The following DLK1 variants were observed in gnomAD, a reference collection of about 807,000 sequenced individuals.
The protein encoded by DLK1 is delta like non-canonical Notch ligand 1.
Under a neutral mutation model 35.2 loss-of-function variants are expected in DLK1, and 9 were observed. That is an observed-to-expected ratio of 0.26 (90% CI 0.15 to 0.45). The LOEUF (loss-of-function observed/expected upper bound fraction) is 0.45, where lower values mean the gene tolerates loss of function less well. Ranked by LOEUF, DLK1 falls within the 20% of genes least tolerant of loss-of-function variation. The pLI is 1.00. For synonymous variants in DLK1, 231 were observed against 228.4 expected (o/e 1.01, Z -0.10); for missense variants, 522 against 528.5 (o/e 0.99, Z 0.12).
rs1035840695 is a variant in DLK1, at chr14:100,735,856, C to G, written c.*960C>G. 1.3e-5 allele frequency: 2 copies of G among 152,142 alleles called. No individual in the cohort carries two copies. Among genetic ancestry groups the G allele is most frequent in the Admixed American group, 1.3e-4 (2 of 15,274 alleles). The allele number at this position is 152,142 out of a possible 1,614,324, so 9.4% of individuals were successfully genotyped here. A position where few individuals can be genotyped will look rare whatever the true frequency, so the allele number is the denominator to read the frequency against. On this transcript the variant is annotated 3_prime_UTR_variant, in exon 5 of 5. Coordinates refer to ENST00000341267, the MANE Select transcript of DLK1 (RefSeq NM_003836.7). ...CATCTGGAGTTGCCACTTAGGCAGC[C>G]AGCCCTCCCCCACCCCTCTTTGCCC...
At chr14:100,733,010 G>A (rs145039661) in intron 4 of DLK1, among the ~76,000 whole-genome samples, 1 of 152,300 alleles carries the variant, frequency 6.6e-6, no homozygotes, top group East Asian at 1.9e-4. Flanking sequence ...TATCTTGACC[G>A]GACATCGCAG....
Position 100,736,040 on chromosome 14 carries a change from C to T in DLK1, c.*1144C>T, listed in dbSNP as rs906210393. On this transcript the variant is annotated 3_prime_UTR_variant, in exon 5 of 5. Coordinates refer to ENST00000341267, the MANE Select transcript of DLK1 (RefSeq NM_003836.7). Reference sequence around the variant, plus strand: ...TTAGTGGAAATTGTCACTTGTGGGGCGCTTACTAGTTTTGTGGCAAATGTG... The same window carrying T: ...TTAGTGGAAATTGTCACTTGTGGGGTGCTTACTAGTTTTGTGGCAAATGTG... The T allele has an allele frequency of 3.3e-5, 5 of 152,152 alleles. No homozygotes were observed. The highest frequency in any genetic ancestry group is 2.1e-4 in the South Asian group (1 of 4,822). 9.4% of individuals were successfully genotyped at this position (152,152 alleles called of 1,614,324 possible).
chr14:100,733,644 G>T (rs1401325619), intron 4 of DLK1, among the ~76,000 whole-genome samples: 1 of 152,180 alleles, frequency 6.6e-6, no homozygotes, highest in East Asian at 1.9e-4. Flanking sequence ...AGCGGGTCCC[G>T]GGATAGAGTG....
intron 3 of DLK1, 185 bp downstream of exon 3, chr14:100,729,251 G>A (rs745586198): frequency 9.5e-5 from 101 of 1,066,120 alleles, no homozygotes; most frequent in South Asian, 1.2e-4. Context: ...CTCAGAGGTA[G>A]GGACTTTATT....
chr14:100,735,040 G>T lies in DLK1; in HGVS notation c.*144G>T, dbSNP rs2036556907. 1 of 1,134,832 alleles carries T rather than the reference G, an allele frequency of 8.8e-7. No homozygotes were observed. The highest frequency in any genetic ancestry group is 2.0e-5 in the South Asian group (1 of 49,120). 70.3% of individuals were successfully genotyped at this position (1,134,832 alleles called of 1,614,324 possible). A position where few individuals can be genotyped will look rare whatever the true frequency, so the allele number is the denominator to read the frequency against. On this transcript the variant is annotated 3_prime_UTR_variant, in exon 5 of 5. Transcript: ENST00000341267. ...TTACATATATTGTCTTTGTGCTGCTGTGTGACAAACGCAATGCAAAAACAA... is the reference window on the plus strand; with the variant it reads ...TTACATATATTGTCTTTGTGCTGCTTTGTGACAAACGCAATGCAAAAACAA...
In DLK1 at chr14:100,734,006, C is replaced by T; in HGVS notation, c.405-143C>T. On this transcript the variant is annotated intron_variant, in intron 4 of 4. Transcript: ENST00000341267. The surrounding 1 kb of genome is among the most constrained non-coding windows in gnomAD (Gnocchi z 7.4). ...TGTGCCTCCCTGGCTGGCGTTCCCTCCCTCGCTCCCTCATTCACCTGATGT... is the reference window on the plus strand; with the variant it reads ...TGTGCCTCCCTGGCTGGCGTTCCCTTCCTCGCTCCCTCATTCACCTGATGT... 1 of 1,102,898 alleles carries T rather than the reference C, an allele frequency of 9.1e-7. No individual in the cohort carries two copies. The highest frequency in any genetic ancestry group is 1.2e-6 in the Non-Finnish European group (1 of 830,494). 68.3% of individuals were successfully genotyped at this position (1,102,898 alleles called of 1,614,324 possible). A position where few individuals can be genotyped will look rare whatever the true frequency, so the allele number is the denominator to read the frequency against.
intron 1 of DLK1, 113 bp downstream of exon 1, chr14:100,727,248 G>T (rs2036446446): frequency 4.4e-6 from 5 of 1,135,274 alleles, no homozygotes; most frequent in Non-Finnish European, 5.9e-6. Flanking sequence ...CGCCCGTCCC[G>T]CCTAGCCCTA....
chr14:100,729,275 C>T (rs942145567), intron 3 of DLK1: 42 of 836,824 alleles, frequency 5.0e-5, no homozygotes, highest in African/African-American at 3.5e-4. Context: ...CTCTTCTCTG[C>T]GCCATCAGCA....
At chr14:100,730,347 C>T (rs975951425) in intron 3 of DLK1, among the ~76,000 whole-genome samples, 1 of 152,192 alleles carries the variant, frequency 6.6e-6, no homozygotes, top group African/African-American at 2.4e-5. Context: ...GCCGTACACC[C>T]TTGCTGAAAT....
chr14:100,734,751 A>G lies in DLK1; in HGVS notation c.1007A>G (p.Asn336Ser), dbSNP rs1595210398. 1.9e-6 allele frequency: 3 copies of G among 1,614,024 alleles called. No homozygotes were observed. The highest frequency in any genetic ancestry group is 2.5e-6 in the Non-Finnish European group (3 of 1,180,000). Residue 336 changes from asparagine to serine, a missense_variant, in exon 5 of 5, where the codon AAC becomes AGC. By Grantham distance (46) the Asn-to-Ser change is conservative. Transcript: ENST00000341267. The surrounding 1 kb of genome is among the most constrained non-coding windows in gnomAD (Gnocchi z 7.4). ...FLNKCETWVS[N>S]LRYNHMLRKK... Reference sequence around the variant, plus strand: ...AACAAGTGCGAGACCTGGGTGTCCAACCTGCGCTACAACCACATGCTGCGG... The same window carrying G: ...AACAAGTGCGAGACCTGGGTGTCCAGCCTGCGCTACAACCACATGCTGCGG...
intron 1 of DLK1, 143 bp downstream of exon 1, chr14:100,727,278 C>G: frequency 1.1e-6 from 1 of 884,516 alleles, no homozygotes; most frequent in Non-Finnish European, 1.6e-6. Context: ...CTGTGCCTGT[C>G]TCGCCCTACC....
chr14:100,732,194 T>C lies in DLK1; in HGVS notation c.404+11T>C. The C allele has an allele frequency of 6.2e-7, 1 of 1,611,204 alleles. No individual in the cohort carries two copies. On this transcript the variant is annotated intron_variant, in intron 4 of 4. Transcript: ENST00000341267. ...CTGTGTGATCAACGGGTAAATATCCTTCCTGTGTGTGATCTAATGAATGCT... is the reference window on the plus strand; with the variant it reads ...CTGTGTGATCAACGGGTAAATATCCCTCCTGTGTGTGATCTAATGAATGCT...
Position 100,734,067 on chromosome 14 carries a change from C to T in DLK1, c.405-82C>T, listed in dbSNP as rs934528491. The T allele has an allele frequency of 1.0e-5, 15 of 1,494,612 alleles. No homozygotes were observed. Among genetic ancestry groups the T allele is most frequent in the Non-Finnish European group, 1.2e-5 (14 of 1,122,242 alleles). The allele number at this position is 1,494,612 out of a possible 1,614,324, so 92.6% of individuals were successfully genotyped here. A position where few individuals can be genotyped will look rare whatever the true frequency, so the allele number is the denominator to read the frequency against. ...CCTGCCCCTTAGTCAGGCCAGGGACCTTCTGCCCTGAGCCCCGTGCCCTGC... is the reference window on the plus strand; with the variant it reads ...CCTGCCCCTTAGTCAGGCCAGGGACTTTCTGCCCTGAGCCCCGTGCCCTGC... On this transcript the variant is annotated intron_variant, in intron 4 of 4. Transcript: ENST00000341267. The surrounding 1 kb of genome is among the most constrained non-coding windows in gnomAD (Gnocchi z 7.4).
intron 2 of DLK1, 82 bp from the exon 3 acceptor site, chr14:100,728,854 G>A (rs1006390758): frequency 7.1e-6 from 11 of 1,557,794 alleles, no homozygotes; most frequent in Non-Finnish European, 8.7e-6. Flanking sequence ...AAGGGTCCTT[G>A]GTTCCACAGA....
rs934471464 is a variant in DLK1, at chr14:100,735,012, C to T, written c.*116C>T. ...CTTGTGTCAAATCTGGTGAACGCTA[C>T]GCTTACATATATTGTCTTTGTGCTG... On this transcript the variant is annotated 3_prime_UTR_variant, in exon 5 of 5. Coordinates refer to ENST00000341267, the MANE Select transcript of DLK1 (RefSeq NM_003836.7). 9.4e-6 allele frequency: 13 copies of T among 1,378,666 alleles called. No individual in the cohort carries two copies. Among genetic ancestry groups the T allele is most frequent in the Admixed American group, 7.3e-5 (3 of 41,032 alleles). 85.4% of individuals were successfully genotyped at this position (1,378,666 alleles called of 1,614,324 possible).
At chr14:100,731,436 T>C (rs1051195375) in intron 3 of DLK1, among the ~76,000 whole-genome samples, 1 of 152,190 alleles carries the variant, frequency 6.6e-6, no homozygotes, top group African/African-American at 2.4e-5. Context: ...CAGGGACCCC[T>C]TGAGTTCAGA....
intron 1 of DLK1, among the ~76,000 whole-genome samples, chr14:100,728,041 A>T (rs542906488): frequency 6.6e-6 from 1 of 152,156 alleles, no homozygotes; most frequent in Non-Finnish European, 1.5e-5. Flanking sequence ...GTCAGGCTGC[A>T]TGCCCAGGGC....
At position 100,729,430 on chromosome 14, in the gene DLK1, C is replaced by A. The variant is rs530588719; in HGVS notation, c.262+364C>A. Among the ~76,000 whole-genome samples, 7 of 152,272 alleles carry A rather than the reference C, an allele frequency of 4.6e-5. No individual in the cohort carries two copies. The East Asian group carries it at 7.7e-4, about 17-fold the overall frequency. On this transcript the variant is annotated intron_variant, in intron 3 of 4. Coordinates refer to ENST00000341267, the MANE Select transcript of DLK1 (RefSeq NM_003836.7). The stretch of plus-strand genomic sequence containing the variant: ...CATGGAAGCCCAGTGATGGACAGGG[C>A]TCTGGGGATCTCAGAGCTAAGACTC...
At position 100,726,935 on chromosome 14, in the gene DLK1, C is replaced by T. The variant is rs900792196; in HGVS notation, c.-134C>T. 1 of 768,080 alleles carries T rather than the reference C, an allele frequency of 1.3e-6. No individual in the cohort carries two copies. The allele number at this position is 768,080 out of a possible 1,614,324, so 47.6% of individuals were successfully genotyped here. On this transcript the variant is annotated 5_prime_UTR_variant, in exon 1 of 5. Transcript: ENST00000341267. The surrounding 1 kb of genome is among the most constrained non-coding windows in gnomAD (Gnocchi z 4.2). ...GCGGTGGAGAGCGCAGCGCGCAGCCCGGTGCAGCCCTGGCTTTCCCCTCGC... is the reference window on the plus strand; with the variant it reads ...GCGGTGGAGAGCGCAGCGCGCAGCCTGGTGCAGCCCTGGCTTTCCCCTCGC...
Sources: gnomAD v4.1 joint callset for allele counts (sites outside exome capture counted in the v4.1 genomes callset) on GRCh38, gnomAD v4.1.1 for gene constraint, Gnocchi (gnomAD v3.1) non-coding constraint, MANE v1.5 for transcripts, NCBI Gene and HGNC (gene_info 2026-07-23, HGNC 2026-07-21) for gene names.